Variants in ABCA4 observed in about 807,000 individuals in gnomAD.
The protein encoded by ABCA4 is retinal-specific phospholipid-transporting ATPase ABCA4.
In ABCA4, 196 loss-of-function variants were observed where a neutral mutation model predicts 263.7. That is an observed-to-expected ratio of 0.74 (90% CI 0.66 to 0.84). The LOEUF is 0.84. ABCA4 is among the 40% of genes least tolerant of loss of function. The probability of loss-of-function intolerance (pLI) is 0.00; values close to 1 mark genes in which losing one functional copy is unlikely to be tolerated. For missense variants in ABCA4, 2,792 were observed against 2,855.1 expected (o/e 0.98, Z 0.50); for synonymous variants, 1,133 against 1,094.2 (o/e 1.04, Z -0.70).
chr1:93,999,218 G>A (rs969390382), intron 47 of ABCA4, among the ~76,000 whole-genome samples: 9 of 151,488 alleles, frequency 5.9e-5, no homozygotes, highest in Middle Eastern at 3.2e-3. Context: ...TCTAATTTTT[G>A]TATTTTTAGT....
intron 49 of ABCA4, among the ~76,000 whole-genome samples, chr1:93,994,753 A>G (rs532791943): frequency 6.6e-6 from 1 of 152,342 alleles, no homozygotes; most frequent in Non-Finnish European, 1.5e-5. Flanking sequence ...AATGTAAAAA[A>G]CACAATAGAA....
chr1:94,021,722 C>T lies in ABCA4; in HGVS notation c.4774-8G>A, dbSNP rs1407775735. 1 of 1,606,454 alleles carries T rather than the reference C, an allele frequency of 6.2e-7. No homozygotes were observed. The highest frequency in any genetic ancestry group is 8.5e-7 in the Non-Finnish European group (1 of 1,176,096). On this transcript the variant is annotated splice_polypyrimidine_tract_variant and splice_region_variant and intron_variant, in intron 33 of 49. Transcript: ENST00000370225. ...CTCTCTAGTGATAGGGCCCTAAAAACCATGTAAACAAACAAACAAGACGGT... is the reference window on the plus strand; with the variant it reads ...CTCTCTAGTGATAGGGCCCTAAAAATCATGTAAACAAACAAACAAGACGGT...
intron 19 of ABCA4, among the ~76,000 whole-genome samples, 164 bp from the exon 20 acceptor site, chr1:94,044,908 T>C (rs1450898650): frequency 6.6e-6 from 1 of 152,188 alleles, no homozygotes; most frequent in African/African-American, 2.4e-5. Flanking sequence ...AGCACCAGTG[T>C]ATACATCCAG....
chr1:94,093,126 AGGGGCAGGGAGGATGCTGAAG>A (rs543214454), intron 6 of ABCA4, among the ~76,000 whole-genome samples: 5 of 152,312 alleles, frequency 3.3e-5, no homozygotes, highest in Non-Finnish European at 5.9e-5. Flanking sequence ...TCCTGTGCTC[AGGGGCAGGGAGGATGCTGAAG>A]GGGGCAGGGA....
intron 31 of ABCA4, 71 bp from the exon 32 acceptor site, chr1:94,023,489 C>A (rs1375610345): frequency 2.5e-5 from 34 of 1,335,396 alleles, no homozygotes; most frequent in Non-Finnish European, 3.6e-5. Flanking sequence ...CTTTCCCAAA[C>A]ATTCATTTTG....
Position 94,001,995 on chromosome 1 carries a change from AG to A in ABCA4, c.6148-4del, listed in dbSNP as rs769308490. The A allele has an allele frequency of 6.2e-7, 1 of 1,614,148 alleles. No individual in the cohort carries two copies. The highest frequency in any genetic ancestry group is 8.5e-7 in the Non-Finnish European group (1 of 1,180,008). On this transcript the variant is annotated splice_region_variant and splice_polypyrimidine_tract_variant and intron_variant, in intron 44 of 49. Transcript: ENST00000370225. ...CTCTTAATACTCCAGTTTGCAACCT[AG>A]GGAAGAGAAAGAAATGCCATTTGGA...
chr1:94,007,306 T>C lies in ABCA4; in HGVS notation c.6005+328A>G, dbSNP rs4147858. On this transcript the variant is annotated intron_variant, in intron 43 of 49. Coordinates refer to ENST00000370225, the MANE Select transcript of ABCA4 (RefSeq NM_000350.3). ...AGGTAATGGGAAGCAATGGTGCATTTTTATAGGAATAGGCTACAAATATTC... is the reference window on the plus strand; with the variant it reads ...AGGTAATGGGAAGCAATGGTGCATTCTTATAGGAATAGGCTACAAATATTC... 0.19 allele frequency among the ~76,000 whole-genome samples: 29,024 copies of C among 152,038 alleles called. 2,852 individuals are homozygous for C. Among genetic ancestry groups the C allele is most frequent in the African/African-American group, 0.23 (9,673 of 41,460 alleles).
intron 6 of ABCA4, among the ~76,000 whole-genome samples, chr1:94,096,076 C>T (rs1428015556): frequency 6.6e-6 from 1 of 152,186 alleles, no homozygotes; most frequent in African/African-American, 2.4e-5. Flanking sequence ...GTTCTTTGGA[C>T]CCTCAGAGGT....
At chr1:94,105,723 C>T (rs1662413842) in intron 4 of ABCA4, among the ~76,000 whole-genome samples, 1 of 152,018 alleles carries the variant, frequency 6.6e-6, no homozygotes, top group Non-Finnish European at 1.5e-5. Context: ...GATTGAGAGA[C>T]CACAGAGCTT....
intron 17 of ABCA4, 152 bp downstream of exon 17, chr1:94,051,481 A>G (rs1267205913): frequency 2.8e-6 from 2 of 722,636 alleles, no homozygotes; most frequent in East Asian, 5.4e-5. Context: ...AGACGCTGCA[A>G]TGCCCATCAA....
intron 24 of ABCA4, among the ~76,000 whole-genome samples, chr1:94,039,840 G>A (rs905266136): frequency 1.3e-5 from 2 of 152,202 alleles, no homozygotes; most frequent in Non-Finnish European, 2.9e-5. Flanking sequence ...GGGCCTTTAG[G>A]TGCATGACTT....
chr1:94,006,011 G>A (rs1659369099), intron 43 of ABCA4, among the ~76,000 whole-genome samples: 1 of 152,198 alleles, frequency 6.6e-6, no homozygotes, highest in Admixed American at 6.5e-5. Context: ...AGATAGCAAT[G>A]AAAGAGGAGC....
chr1:94,044,876 C>G, intron 19 of ABCA4, 132 bp from the exon 20 acceptor site: 1 of 1,453,178 alleles, frequency 6.9e-7, no homozygotes, highest in South Asian at 1.2e-5. Context: ...ACTCAAACCC[C>G]TATTAGCTGT....
intron 39 of ABCA4, 81 bp downstream of exon 39, chr1:94,011,181 G>A (rs1659535892): frequency 2.5e-6 from 4 of 1,609,224 alleles, no homozygotes; most frequent in Non-Finnish European, 3.4e-6. Context: ...CCCTGCCACA[G>A]TCTGATGCAG....
chr1:94,042,982 G>T (rs993773411), intron 21 of ABCA4, 84 bp from the exon 22 acceptor site: 3 of 1,576,732 alleles, frequency 1.9e-6, no homozygotes, highest in Non-Finnish European at 2.6e-6. Flanking sequence ...CATTGTGGGG[G>T]TACCTTAACC....
chr1:94,104,952 C>T lies in ABCA4; in HGVS notation c.443-1810G>A, dbSNP rs562067999. 7.2e-5 allele frequency among the ~76,000 whole-genome samples: 11 copies of T among 152,294 alleles called. No homozygotes were observed. In the East Asian group the frequency reaches 7.7e-4, roughly 11 times the overall value. ...CTCCACCAACACCATCCCCAACACA[C>T]GCACACACACACGCATGCACACACA... On this transcript the variant is annotated intron_variant, in intron 4 of 49. Coordinates refer to ENST00000370225, the MANE Select transcript of ABCA4 (RefSeq NM_000350.3).
chr1:94,044,880 T>C (rs1443961063), intron 19 of ABCA4, 136 bp from the exon 20 acceptor site: 14 of 1,381,652 alleles, frequency 1.0e-5, no homozygotes, highest in Non-Finnish European at 1.3e-5. Context: ...AAACCCCTAT[T>C]AGCTGTGGGG....
chr1:94,035,350 T>G (rs185108034), intron 26 of ABCA4, among the ~76,000 whole-genome samples: 9 of 152,322 alleles, frequency 5.9e-5, no homozygotes, highest in African/African-American at 1.9e-4. Flanking sequence ...GAAACTTGGG[T>G]TCTGTGGTGA....
intron 47 of ABCA4, among the ~76,000 whole-genome samples, chr1:93,998,840 G>C (rs1224742229): frequency 6.6e-6 from 1 of 151,368 alleles, no homozygotes; most frequent in Non-Finnish European, 1.5e-5. Context: ...CTGGGTTCAA[G>C]CAATTCTCCT....
Sources: gnomAD v4.1 joint callset for allele counts (sites outside exome capture counted in the v4.1 genomes callset) on GRCh38, gnomAD v4.1.1 for gene constraint, MANE v1.5 for transcripts, NCBI Gene and HGNC (gene_info 2026-07-23, HGNC 2026-07-21) for gene names.